The following SLC25A44 variants were observed in gnomAD, a reference collection of about 807,000 sequenced individuals.
SLC25A44 encodes solute carrier family 25 member 44.
Under a neutral mutation model 29.9 loss-of-function variants are expected in SLC25A44, and 17 were observed. The observed-to-expected ratio is 0.57, with a 90% confidence interval of 0.39 to 0.85. The LOEUF (loss-of-function observed/expected upper bound fraction) is 0.85. Among genes scored for constraint, SLC25A44 ranks in the 40% least tolerant of loss-of-function variants. SLC25A44 has a pLI of 0.00. For missense variants in SLC25A44, 302 were observed against 398.4 expected (o/e 0.76, Z 2.06); for synonymous variants, 140 against 151.8 (o/e 0.92, Z 0.57).
intron 1 of SLC25A44, chr1:156,197,184 A>G (rs974143566): frequency 3.3e-5 from 5 of 152,384 alleles, no homozygotes; most frequent in Admixed American, 1.3e-4. Flanking sequence ...ACTCTGGGGC[A>G]GAAGAGACAG....
chr1:156,208,673 G>GCCC (rs1657108520), intron 3 of SLC25A44, among the ~76,000 whole-genome samples: 1 of 152,038 alleles, frequency 6.6e-6, no homozygotes, highest in South Asian at 2.1e-4. Flanking sequence ...TACCTTGCAG[G>GCCC]TTTGTGGTTA....
In SLC25A44 at chr1:156,211,100, GTT is replaced by G. The variant is rs56120841; in HGVS notation, c.*672_*673del. The G allele has an allele frequency of 4.0e-5, 6 of 149,250 alleles. 1 individual carries two copies. The Admixed American group carries it at 4.1e-4, about 10-fold the overall frequency. The allele number at this position is 149,250 out of a possible 1,614,324, so 9.2% of individuals were successfully genotyped here. A position where few individuals can be genotyped will look rare whatever the true frequency, so the allele number is the denominator to read the frequency against. ...TGTGTGTGTGTGTGTGTGTGTGTGT[GTT>G]TTAACATCTGTGAACCAGGCTATTA... On this transcript the variant is annotated 3_prime_UTR_variant, in exon 4 of 4. Transcript: ENST00000359511.
chr1:156,209,730 T>A (rs968462595), intron 3 of SLC25A44, among the ~76,000 whole-genome samples: 1 of 152,028 alleles, frequency 6.6e-6, no homozygotes, highest in African/African-American at 2.4e-5. Flanking sequence ...ATTGAAATGA[T>A]CAGAATCAAA....
At chr1:156,195,766 G>T (rs1157217138) in intron 1 of SLC25A44, among the ~76,000 whole-genome samples, 9 of 152,196 alleles carry the variant, frequency 5.9e-5, no homozygotes, top group Admixed American at 5.9e-4. Flanking sequence ...TCTTTCCGTT[G>T]TATGACCTTG....
At position 156,211,622 on chromosome 1, in the gene SLC25A44, T is replaced by C. The variant is rs1017137831; in HGVS notation, c.*1191T>C. ...CCTGTGGAGGAATGCTGGAAGAACATAAAGAGCAGTTCAGAAAGTCACCCA... is the reference window on the plus strand; with the variant it reads ...CCTGTGGAGGAATGCTGGAAGAACACAAAGAGCAGTTCAGAAAGTCACCCA... On this transcript the variant is annotated 3_prime_UTR_variant, in exon 4 of 4. Coordinates refer to ENST00000359511, the MANE Select transcript of SLC25A44 (RefSeq NM_014655.4). The C allele has an allele frequency of 1.3e-5, 2 of 152,612 alleles. No homozygotes were observed. The highest frequency in any genetic ancestry group is 2.9e-5 in the Non-Finnish European group (2 of 68,058). 9.5% of individuals were successfully genotyped at this position (152,612 alleles called of 1,614,324 possible). A position where few individuals can be genotyped will look rare whatever the true frequency, so the allele number is the denominator to read the frequency against.
At chr1:156,206,860 C>A (rs1177431574) in intron 2 of SLC25A44, among the ~76,000 whole-genome samples, 1 of 152,118 alleles carries the variant, frequency 6.6e-6, no homozygotes, top group Non-Finnish European at 1.5e-5. Context: ...ATGTATCCTA[C>A]CAGAGTTACT....
rs1656371318 is a variant in SLC25A44, at chr1:156,198,828, C to CT, written c.-13-1006dup. On this transcript the variant is annotated intron_variant, in intron 1 of 3. Transcript: ENST00000359511. The surrounding 1 kb of genome is among the most constrained non-coding windows in gnomAD (Gnocchi z 4.1). Reference sequence around the variant, plus strand: ...ACAGACGGTTTCTTGAAGTCAGAGTCTATCTCCTCTGTCACTTCTCCCCCT... The same window carrying CT: ...ACAGACGGTTTCTTGAAGTCAGAGTCTTATCTCCTCTGTCACTTCTCCCCCT... 1 of 152,284 alleles carries CT rather than the reference C, an allele frequency of 6.6e-6. No individual in the cohort carries two copies. Among genetic ancestry groups the CT allele is most frequent in the South Asian group, 2.1e-4 (1 of 4,836 alleles). 9.4% of individuals were successfully genotyped at this position (152,284 alleles called of 1,614,324 possible).
chr1:156,207,116 T>C (rs1656987764), intron 2 of SLC25A44, among the ~76,000 whole-genome samples: 1 of 152,042 alleles, frequency 6.6e-6, no homozygotes, highest in Non-Finnish European at 1.5e-5. Context: ...GGTGGGAGAA[T>C]TGCTTGAGTC....
Position 156,199,844 on chromosome 1 carries a change from C to T in SLC25A44, c.-4C>T, listed in dbSNP as rs1426490272. 5 of 1,610,584 alleles carry T rather than the reference C, an allele frequency of 3.1e-6. No homozygotes were observed. Among genetic ancestry groups the T allele is most frequent in the Non-Finnish European group, 4.2e-6 (5 of 1,177,940 alleles). On this transcript the variant is annotated 5_prime_UTR_variant, in exon 2 of 4. Coordinates refer to ENST00000359511, the MANE Select transcript of SLC25A44 (RefSeq NM_014655.4). ...ACTGCTCAAATCCCAGGTCTTCAGG[C>T]ACCATGGAGGACAAACGCAACATCC...
At chr1:156,196,161 A>G (rs911057252) in intron 1 of SLC25A44, 3 of 152,252 alleles carry the variant, frequency 2.0e-5, no homozygotes, top group Admixed American at 2.0e-4. Flanking sequence ...GGCTGGAGGA[A>G]CTTTGCATAC....
In SLC25A44 at chr1:156,200,015, G is replaced by C; in HGVS notation, c.168G>C (p.Gly56=). Reference sequence around the variant, plus strand: ...AGAAGGGGAAGAGCCTCTACCATGGGACCTTCGATGCCTTCATCAAGATCC... The same window carrying C: ...AGAAGGGGAAGAGCCTCTACCATGGCACCTTCGATGCCTTCATCAAGATCC... ...QVQKGKSLYH[G]TFDAFIKILR... is the part of the protein sequence containing the mutation. The change falls in exon 2 of 4, where the codon GGG becomes GGC. Residue 56 remains glycine (G), a synonymous_variant. Transcript: ENST00000359511. The C allele has an allele frequency of 6.2e-7, 1 of 1,614,188 alleles. No individual in the cohort carries two copies. Among genetic ancestry groups the C allele is most frequent in the South Asian group, 1.1e-5 (1 of 91,076 alleles).
At chr1:156,197,717 A>G (rs1488126597) in intron 1 of SLC25A44, 1 of 152,096 alleles carries the variant, frequency 6.6e-6, no homozygotes, top group Non-Finnish European at 1.5e-5. Context: ...AGATCGCGCC[A>G]CTGCACTCCA....
intron 2 of SLC25A44, among the ~76,000 whole-genome samples, chr1:156,207,469 G>A (rs915316505): frequency 2.0e-5 from 3 of 152,210 alleles, no homozygotes; most frequent in Admixed American, 6.5e-5. Context: ...GTGAGCCGCC[G>A]CGCCCGGCAC....
rs562208135 is a variant in SLC25A44 at position 156,195,360 on chromosome 1, C to T, written c.-14+1113C>T. Reference sequence around the variant, plus strand: ...CCTCGTGGTCCGCCCGCCTCGGCCTCCCAAAGTGTTGGGATTATAGGCCCG... The same window carrying T: ...CCTCGTGGTCCGCCCGCCTCGGCCTTCCAAAGTGTTGGGATTATAGGCCCG... On this transcript the variant is annotated intron_variant, in intron 1 of 3. Coordinates refer to ENST00000359511, the MANE Select transcript of SLC25A44 (RefSeq NM_014655.4). 1.2e-3 allele frequency among the ~76,000 whole-genome samples: 181 copies of T among 152,198 alleles called. 1 individual carries two copies. The highest frequency in any genetic ancestry group is 4.2e-3 in the African/African-American group (175 of 41,530).
In SLC25A44 at chr1:156,210,422, A is replaced by G. The variant is rs770002134; in HGVS notation, c.936A>G (p.Arg312=). 4.4e-6 allele frequency: 7 copies of G among 1,577,906 alleles called. No individual in the cohort carries two copies. The South Asian group carries it at 8.2e-5, about 18-fold the overall frequency. The change falls in exon 4 of 4, where the codon AGA becomes AGG. Residue 312 remains arginine, a synonymous_variant. Transcript: ENST00000359511. ...LSLRPELVDS[R]HW Reference sequence around the variant, plus strand: ...TCCGACCTGAGCTGGTGGACTCGAGACACTGGTAACCAGTGGTGGGGAGAG... The same window carrying G: ...TCCGACCTGAGCTGGTGGACTCGAGGCACTGGTAACCAGTGGTGGGGAGAG...
Position 156,211,164 on chromosome 1 carries a change from C to T in SLC25A44, c.*733C>T, listed in dbSNP as rs961553538. 6.6e-6 allele frequency: 1 copy of T among 152,586 alleles called. No individual in the cohort carries two copies. The highest frequency in any genetic ancestry group is 1.5e-5 in the Non-Finnish European group (1 of 68,230). 9.5% of individuals were successfully genotyped at this position (152,586 alleles called of 1,614,324 possible). ...GCGCCAATCCTGCTGTCAGAGCTCACCCCCTTCCTAAGACAGGTAGAAAAA... is the reference window on the plus strand; with the variant it reads ...GCGCCAATCCTGCTGTCAGAGCTCATCCCCTTCCTAAGACAGGTAGAAAAA... On this transcript the variant is annotated 3_prime_UTR_variant, in exon 4 of 4. Transcript: ENST00000359511.
Position 156,199,931 on chromosome 1 carries a change from A to G in SLC25A44, c.84A>G (p.Thr28=). ...KKFYVFGVAM[T]MMIRVSVYPF... is the part of the protein sequence containing the mutation. ...TCTACGTGTTTGGTGTGGCAATGAC[A>G]ATGATGATCCGTGTCAGTGTCTACC... is the stretch of plus-strand genomic sequence containing the variant. The change falls in exon 2 of 4, where the codon ACA becomes ACG. Residue 28 remains threonine, a synonymous_variant. Transcript: ENST00000359511. The G allele has an allele frequency of 6.2e-7, 1 of 1,614,166 alleles. No individual in the cohort carries two copies. The highest frequency in any genetic ancestry group is 8.5e-7 in the Non-Finnish European group (1 of 1,180,000).
intron 2 of SLC25A44, among the ~76,000 whole-genome samples, chr1:156,204,360 A>G (rs1247185378): frequency 1.3e-5 from 2 of 152,142 alleles, no homozygotes; most frequent in African/African-American, 2.4e-5. Flanking sequence ...TCTTCTCCCC[A>G]AGCCCCAGGA....
Position 156,200,338 on chromosome 1 carries a change from G to A in SLC25A44, c.491G>A (p.Gly164Asp). The A allele has an allele frequency of 6.2e-7, 1 of 1,614,114 alleles. No homozygotes were observed. The highest frequency in any genetic ancestry group is 1.1e-5 in the South Asian group (1 of 91,084). Reference protein sequence around the residue: ...NPEGQGVVAFGQTKDIIRQIL... With the variant: ...NPEGQGVVAFDQTKDIIRQIL... Reference sequence around the variant, plus strand: ...GAGGGACAAGGGGTAGTTGCCTTTGGCCAAACCAAGGACATCATCAGGCAG... The same window carrying A: ...GAGGGACAAGGGGTAGTTGCCTTTGACCAAACCAAGGACATCATCAGGCAG... The change falls in exon 2 of 4, where the codon GGC (glycine) becomes GAC (aspartate). Residue 164 changes from glycine (G) to aspartate (D), a missense_variant. Transcript: ENST00000359511.
Sources: allele counts gnomAD v4.1 joint callset (sites outside exome capture counted in the v4.1 genomes callset), GRCh38; gene constraint gnomAD v4.1.1; non-coding constraint Gnocchi (gnomAD v3.1); transcripts MANE v1.5; gene names NCBI Gene and HGNC (gene_info 2026-07-23, HGNC 2026-07-21).